Variants in ASPH observed in about 807,000 individuals in gnomAD.
ASPH encodes the protein aspartyl/asparaginyl beta-hydroxylase.
ASPH carries 100 observed loss-of-function variants against 118.4 expected under a neutral mutation model. That is an observed-to-expected ratio of 0.84 (90% confidence interval 0.72 to 1.00). The LOEUF (loss-of-function observed/expected upper bound fraction) is 1.00, where lower values mean the gene tolerates loss of function less well. ASPH is among the 50% of genes least tolerant of loss of function. ASPH has a pLI of 0.00. For missense variants in ASPH, 920 were observed against 919.5 expected, an observed-to-expected ratio of 1.00 and a Z score of -0.01; for synonymous variants, 315 against 325.6, an observed-to-expected ratio of 0.97 and a Z score of 0.35.
chr8:61,665,709 C>T (rs1819238103), intron 3 of ASPH: 1 of 1,222,414 alleles, frequency 8.2e-7, no homozygotes, highest in East Asian at 2.5e-5. Flanking sequence ...TCTCTCCACA[C>T]ACAGGAAATG....
chr8:61,607,144 C>T, intron 14 of ASPH: 1 of 616,256 alleles, frequency 1.6e-6, no homozygotes, highest in South Asian at 1.9e-5. Context: ...GAGCATAGCA[C>T]ACAAAAGGAG....
chr8:61,569,955 C>CATA (rs1259349158), intron 16 of ASPH, among the ~76,000 whole-genome samples: 1 of 151,384 alleles, frequency 6.6e-6, no homozygotes. Flanking sequence ...AGTGAGTTAA[C>CATA]TCCCCAGAAT....
At chr8:61,691,629 T>C (rs1261408277) in intron 1 of ASPH, among the ~76,000 whole-genome samples, 1 of 152,182 alleles carries the variant, frequency 6.6e-6, no homozygotes, top group African/African-American at 2.4e-5. Context: ...ACCCCTACAC[T>C]GATCCAGCAG....
At chr8:61,704,729 C>T (rs1836164992) in intron 1 of ASPH, among the ~76,000 whole-genome samples, 1 of 152,080 alleles carries the variant, frequency 6.6e-6, no homozygotes, top group Non-Finnish European at 1.5e-5. Context: ...AAGTGCTTGA[C>T]ATCATTATTC....
At chr8:61,697,662 A>C (rs1032574773) in intron 1 of ASPH, among the ~76,000 whole-genome samples, 3 of 152,242 alleles carry the variant, frequency 2.0e-5, no homozygotes, top group African/African-American at 7.2e-5. Context: ...TTACTAGTTG[A>C]TTATAAAGGA....
At chr8:61,594,987 T>C (rs113095133) in intron 14 of ASPH, among the ~76,000 whole-genome samples, 2 of 152,246 alleles carry the variant, frequency 1.3e-5, no homozygotes, top group African/African-American at 4.8e-5. Flanking sequence ...AGAACTGATA[T>C]TGACTGGTTT....
chr8:61,500,991 G>A lies in ASPH; in HGVS notation c.*2368C>T, dbSNP rs1191995600. The A allele has an allele frequency of 1.3e-5, 2 of 151,770 alleles. No individual in the cohort carries two copies. The highest frequency in any genetic ancestry group is 2.9e-5 in the Non-Finnish European group (2 of 67,974). The allele number at this position is 151,770 out of a possible 1,614,324, so 9.4% of individuals were successfully genotyped here. On this transcript the variant is annotated 3_prime_UTR_variant, in exon 25 of 25. Transcript: ENST00000379454. ...AATGTTTTAATTTTTTCCCCTATTG[G>A]TAGAGAACAATAACAGAAGTAATTT...
intron 1 of ASPH, among the ~76,000 whole-genome samples, chr8:61,685,647 G>C (rs760874640): frequency 4.0e-5 from 6 of 151,840 alleles, no homozygotes; most frequent in African/African-American, 9.7e-5. Context: ...GAAATTCTTT[G>C]TGTTAAAAGG....
intron 24 of ASPH, 196 bp downstream of exon 24, chr8:61,517,332 T>A: frequency 1.4e-6 from 1 of 705,194 alleles, no homozygotes; most frequent in Non-Finnish European, 2.2e-6. Flanking sequence ...AGGGCAGCCC[T>A]AGAGCTGGGC....
At chr8:61,565,815 T>C (rs1442255080) in intron 17 of ASPH, among the ~76,000 whole-genome samples, 1 of 152,214 alleles carries the variant, frequency 6.6e-6, no homozygotes, top group African/African-American at 2.4e-5. Context: ...TGTTAGGAGC[T>C]AATGCAGCTG....
At chr8:61,506,635 G>A (rs1037752764) in intron 24 of ASPH, among the ~76,000 whole-genome samples, 5 of 152,114 alleles carry the variant, frequency 3.3e-5, no homozygotes, top group African/African-American at 7.2e-5. Flanking sequence ...TGGGACCTAA[G>A]GTGAGCTACT....
chr8:61,619,759 C>T (rs149429743), intron 13 of ASPH, among the ~76,000 whole-genome samples: 2 of 152,318 alleles, frequency 1.3e-5, no homozygotes, highest in Admixed American at 1.3e-4. Context: ...CACATCAGGA[C>T]TACTGTGTAA....
intron 1 of ASPH, among the ~76,000 whole-genome samples, chr8:61,705,372 C>A (rs1199714633): frequency 1.3e-5 from 2 of 152,102 alleles, no homozygotes; most frequent in Admixed American, 6.5e-5. Context: ...TATAACAAAC[C>A]TGTATATGTA....
At chr8:61,560,637 C>A (rs1316037860) in intron 18 of ASPH, among the ~76,000 whole-genome samples, 1 of 151,850 alleles carries the variant, frequency 6.6e-6, no homozygotes, top group Non-Finnish European at 1.5e-5. Context: ...TGAATAATAT[C>A]CTTATATTTT....
At chr8:61,584,141 G>T in intron 14 of ASPH, 112 bp from the exon 15 acceptor site, 1 of 639,760 alleles carries the variant, frequency 1.6e-6, no homozygotes, top group Middle Eastern at 3.1e-4. Context: ...CCAAAGACCT[G>T]CAGGAGAAGG....
intron 10 of ASPH, among the ~76,000 whole-genome samples, chr8:61,640,402 G>A (rs1032083476): frequency 2.0e-4 from 30 of 152,154 alleles, no homozygotes; most frequent in African/African-American, 7.2e-4. Flanking sequence ...GGCATCCTCT[G>A]AACCCAGCCC....
At chr8:61,610,041 T>C (rs979582678) in intron 14 of ASPH, among the ~76,000 whole-genome samples, 47 of 152,192 alleles carry the variant, frequency 3.1e-4, no homozygotes, top group Admixed American at 3.0e-3. Flanking sequence ...CTTCCATCAT[T>C]AAAAAAATTA....
chr8:61,590,325 G>T (rs901991321), intron 14 of ASPH, among the ~76,000 whole-genome samples: 1 of 152,030 alleles, frequency 6.6e-6, no homozygotes, highest in Non-Finnish European at 1.5e-5. Context: ...TCGAGAGAGG[G>T]TATACACACT....
At chr8:61,695,050 C>A (rs912838116) in intron 1 of ASPH, among the ~76,000 whole-genome samples, 12 of 152,210 alleles carry the variant, frequency 7.9e-5, no homozygotes, top group Non-Finnish European at 8.8e-5. Flanking sequence ...TCCTCAGCAC[C>A]TGGGTCACCC....
Sources: allele counts gnomAD v4.1 joint callset (sites outside exome capture counted in the v4.1 genomes callset), GRCh38; gene constraint gnomAD v4.1.1; transcripts MANE v1.5; gene names NCBI Gene and HGNC (gene_info 2026-07-23, HGNC 2026-07-21).